Variants in CNTNAP2 observed in about 807,000 individuals in gnomAD.
The protein encoded by CNTNAP2 is contactin associated protein 2, also known as contactin-associated protein-like 2.
In CNTNAP2, 98 loss-of-function variants were observed where a neutral mutation model predicts 155.2. That is an observed-to-expected ratio of 0.63 (90% CI 0.54 to 0.75). The LOEUF is 0.75. Ranked by LOEUF, CNTNAP2 falls within the 30% of genes least tolerant of loss-of-function variation. The pLI, the probability that CNTNAP2 is intolerant of heterozygous loss-of-function variation, is 0.00. For missense variants in CNTNAP2, 1,727 were observed against 1,688.1 expected (o/e 1.02, Z -0.40); for synonymous variants, 651 against 631.2 (o/e 1.03, Z -0.47).
intron 3 of CNTNAP2, among the ~76,000 whole-genome samples, chr7:146,908,829 C>A (rs1249190959): frequency 7.8e-6 from 1 of 127,790 alleles, no homozygotes; most frequent in Non-Finnish European, 1.8e-5. Context: ...AATAGAGACA[C>A]AAAAAACCCT....
At chr7:147,012,457 G>T (rs1273928476) in intron 3 of CNTNAP2, among the ~76,000 whole-genome samples, 3 of 152,100 alleles carry the variant, frequency 2.0e-5, no homozygotes, top group Non-Finnish European at 4.4e-5. Flanking sequence ...AGAGAAAAAT[G>T]AGAAAGTAAT....
At chr7:147,392,803 A>G (rs1044704482) in intron 9 of CNTNAP2, among the ~76,000 whole-genome samples, 2 of 152,088 alleles carry the variant, frequency 1.3e-5, no homozygotes, top group Admixed American at 6.6e-5. Context: ...ATGCTCATCA[A>G]TCAACGAGTG....
chr7:146,245,685 G>A (rs569324209), intron 1 of CNTNAP2, among the ~76,000 whole-genome samples: 14 of 152,184 alleles, frequency 9.2e-5, no homozygotes, highest in Non-Finnish European at 1.3e-4. Context: ...GAATTATGCC[G>A]AGATAGGTAA....
chr7:148,364,745 C>A (rs1798704562), intron 21 of CNTNAP2, among the ~76,000 whole-genome samples: 1 of 152,194 alleles, frequency 6.6e-6, no homozygotes, highest in Admixed American at 6.5e-5. Context: ...TACCAATCAG[C>A]AGGATGTGGG....
chr7:148,110,389 G>T (rs1355421251), intron 15 of CNTNAP2, among the ~76,000 whole-genome samples: 2 of 151,952 alleles, frequency 1.3e-5, no homozygotes, highest in Non-Finnish European at 2.9e-5. Flanking sequence ...TTCACCAGGT[G>T]ACAGCCCAGA....
At chr7:146,537,498 C>G (rs1797886998) in intron 1 of CNTNAP2, among the ~76,000 whole-genome samples, 1 of 151,944 alleles carries the variant, frequency 6.6e-6, no homozygotes, top group Non-Finnish European at 1.5e-5. Flanking sequence ...GAGTCACAGT[C>G]TAGTAGAGTC....
chr7:146,787,667 G>A (rs73170332), intron 2 of CNTNAP2, among the ~76,000 whole-genome samples: 21,585 of 152,102 alleles, frequency 0.14, 1,913 homozygotes, highest in South Asian at 0.28. Context: ...GAGGGTACCC[G>A]AGCAGGTTGT....
chr7:147,613,601 G>T (rs930663936), intron 12 of CNTNAP2, among the ~76,000 whole-genome samples: 1 of 152,108 alleles, frequency 6.6e-6, no homozygotes, highest in African/African-American at 2.4e-5. Context: ...ACTTTGGGAG[G>T]CCGAGGTGGG....
chr7:146,267,040 G>T (rs1800004785), intron 1 of CNTNAP2, among the ~76,000 whole-genome samples: 1 of 152,084 alleles, frequency 6.6e-6, no homozygotes, highest in Non-Finnish European at 1.5e-5. Flanking sequence ...AGAAACCTGT[G>T]TAGTTGTAAA....
intron 16 of CNTNAP2, among the ~76,000 whole-genome samples, chr7:148,146,745 T>C (rs1346488261): frequency 6.6e-6 from 1 of 152,106 alleles, no homozygotes; most frequent in Non-Finnish European, 1.5e-5. Context: ...ACACCAACAA[T>C]AGGTCACCCT....
intron 1 of CNTNAP2, among the ~76,000 whole-genome samples, chr7:146,323,497 C>A (rs896274588): frequency 4.6e-5 from 7 of 151,986 alleles, no homozygotes; most frequent in Non-Finnish European, 8.8e-5. Context: ...CATGAAATGA[C>A]AAAATCAAAA....
chr7:148,298,594 C>T (rs766872923), intron 21 of CNTNAP2, among the ~76,000 whole-genome samples: 3 of 152,196 alleles, frequency 2.0e-5, no homozygotes, highest in Non-Finnish European at 4.4e-5. Context: ...CTCACAGACA[C>T]ACCCAGGAAC....
rs116586933 is a variant in CNTNAP2 at position 148,368,688 on chromosome 7, C to G, written c.3476-14961C>G. 9.8e-3 allele frequency among the ~76,000 whole-genome samples: 1,488 copies of G among 152,270 alleles called. 24 individuals carry two copies. Among genetic ancestry groups the G allele is most frequent in the African/African-American group, 0.034 (1,412 of 41,550 alleles). On this transcript the variant is annotated intron_variant, in intron 21 of 23. Coordinates refer to ENST00000361727, the MANE Select transcript of CNTNAP2 (RefSeq NM_014141.6). ...GACTCCTGTCTCAAGAGCCAAGCTA[C>G]CCGAGTGAGCAATTCCTGTCCCTTT...
At chr7:146,274,342 G>A (rs535073339) in intron 1 of CNTNAP2, among the ~76,000 whole-genome samples, 7 of 152,296 alleles carry the variant, frequency 4.6e-5, no homozygotes, top group Non-Finnish European at 8.8e-5. Context: ...CCAGTGACTC[G>A]GAAGCTGAGT....
chr7:146,583,443 A>G (rs1798642454), intron 1 of CNTNAP2, among the ~76,000 whole-genome samples: 1 of 152,140 alleles, frequency 6.6e-6, no homozygotes, highest in Admixed American at 6.6e-5. Flanking sequence ...GTTGAGCATG[A>G]GAATCTGAAG....
intron 10 of CNTNAP2, among the ~76,000 whole-genome samples, chr7:147,400,759 G>A (rs1796898935): frequency 1.3e-5 from 2 of 152,010 alleles, no homozygotes; most frequent in African/African-American, 4.8e-5. Context: ...CACCATCCTT[G>A]GTAAAATGTA....
At chr7:148,055,464 T>C (rs993024067) in intron 15 of CNTNAP2, among the ~76,000 whole-genome samples, 1 of 152,178 alleles carries the variant, frequency 6.6e-6, no homozygotes, top group African/African-American at 2.4e-5. Flanking sequence ...TGCAGTCCAG[T>C]TCTGTCATTT....
intron 3 of CNTNAP2, among the ~76,000 whole-genome samples, chr7:146,898,568 T>C (rs1459699031): frequency 1.3e-5 from 2 of 152,050 alleles, no homozygotes; most frequent in East Asian, 3.9e-4. Context: ...TGTGTGTGTA[T>C]GAATAATCTA....
Position 146,425,864 on chromosome 7 carries a change from T to C in CNTNAP2, c.97+308891T>C, listed in dbSNP as rs80095135. Among the ~76,000 whole-genome samples the C allele has an allele frequency of 9.7e-3, 1,473 of 152,020 alleles. 60 individuals carry two copies. The highest frequency in any genetic ancestry group is 0.088 in the East Asian group (454 of 5,158). On this transcript the variant is annotated intron_variant, in intron 1 of 23. Coordinates refer to ENST00000361727, the MANE Select transcript of CNTNAP2 (RefSeq NM_014141.6). ...TACAAACAAACAATAAAAAACTAAA[T>C]AAATTTTAATTAAAATTAAAAGTTA...
Sources: gnomAD v4.1 joint callset for allele counts (sites outside exome capture counted in the v4.1 genomes callset) on GRCh38, gnomAD v4.1.1 for gene constraint, MANE v1.5 for transcripts, NCBI Gene and HGNC (gene_info 2026-07-23, HGNC 2026-07-21) for gene names.